LILRB1: variants seen among roughly 807,000 people sequenced by gnomAD.
The protein encoded by LILRB1 is leukocyte immunoglobulin like receptor B1.
A neutral mutation model predicts 74.6 loss-of-function variants in LILRB1; 59 were observed. That is an observed-to-expected ratio of 0.79 (90% CI 0.64 to 0.98). LILRB1 has a LOEUF of 0.98. Among genes scored for constraint, LILRB1 ranks in the 50% least tolerant of loss-of-function variants. LILRB1 has a pLI of 0.00. For synonymous variants in LILRB1, 328 were observed against 333.9 expected, an observed-to-expected ratio of 0.98 and a Z score of 0.19; for missense variants, 804 against 822.6, an observed-to-expected ratio of 0.98 and a Z score of 0.28.
rs1006417649 is a variant in LILRB1 at position 54,634,884 on chromosome 19, G to A, written c.1486+121G>A. ...GAAACTGTTCCAGCATTTCTCACCAGGCCAATCGACAGTCAGTCCCATCTA... is the reference window on the plus strand; with the variant it reads ...GAAACTGTTCCAGCATTTCTCACCAAGCCAATCGACAGTCAGTCCCATCTA... On this transcript the variant is annotated intron_variant, in intron 10 of 14. Transcript: ENST00000324602. 4.6e-6 allele frequency: 7 copies of A among 1,526,230 alleles called. No homozygotes were observed. The African/African-American group carries it at 9.7e-5, about 21-fold the overall frequency. The allele number at this position is 1,526,230 out of a possible 1,614,324, so 94.5% of individuals were successfully genotyped here.
intron 1 of LILRB1, among the ~76,000 whole-genome samples, chr19:54,622,581 C>T (rs1355710140): frequency 2.0e-5 from 3 of 152,182 alleles, no homozygotes; most frequent in Admixed American, 2.0e-4. Context: ...GAAGAATCTT[C>T]AGGGTTTTCT....
Position 54,636,772 on chromosome 19 carries a change from A to G in LILRB1, c.1853A>G (p.Gln618Arg), listed in dbSNP as rs746914203. The change falls in exon 15 of 15, where the codon CAG becomes CGG. Residue 618 changes from glutamine (Q) to arginine (R), a missense_variant. Transcript: ENST00000324602. ...GCCCCCCAGGATGTGACCTACGCCCAGCTGCACAGCTTGACCCTCAGACGG... is the reference window on the plus strand; with the variant it reads ...GCCCCCCAGGATGTGACCTACGCCCGGCTGCACAGCTTGACCCTCAGACGG... Reference protein sequence around the residue: ...SEAPQDVTYAQLHSLTLRREA... With the variant: ...SEAPQDVTYARLHSLTLRREA... The G allele has an allele frequency of 1.1e-5, 18 of 1,571,222 alleles. No homozygotes were observed. The highest frequency in any genetic ancestry group is 1.7e-4 in the Middle Eastern group (1 of 5,856).
rs56800320 is a variant in LILRB1 at position 54,634,777 on chromosome 19, G to C, written c.1486+14G>C. 8.3e-4 allele frequency: 1,340 copies of C among 1,613,030 alleles called. 19 individuals carry two copies. The East Asian group carries it at 0.026, about 32-fold the overall frequency. ...ACTGGACATCGAGTGAGTAGGGAAT[G>C]GGGGGACCCTGAGGGCTGACCGAGG... On this transcript the variant is annotated intron_variant, in intron 10 of 14. Coordinates refer to ENST00000324602, the MANE Select transcript of LILRB1 (RefSeq NM_001081637.3).
intron 1 of LILRB1, chr19:54,617,383 A>G (rs2063333951): frequency 6.6e-6 from 1 of 152,148 alleles, no homozygotes; most frequent in African/African-American, 2.4e-5. Context: ...TGCACGCTAT[A>G]GAGTTCCTAA....
In LILRB1 at chr19:54,635,132, T is replaced by G; in HGVS notation, c.1515T>G (p.Pro505=). The change falls in exon 11 of 15, where the codon CCT becomes CCG. Residue 505 remains proline (P), a synonymous_variant. Coordinates refer to ENST00000324602, the MANE Select transcript of LILRB1 (RefSeq NM_001081637.3). The part of the protein sequence containing the change: ...STQRKADFQH[P]AGAVGPEPTD... ...AGAGAAAGGCTGATTTCCAACATCC[T>G]GCAGGGGCTGTGGGGCCAGAGCCCA... 1 of 1,591,008 alleles carries G rather than the reference T, an allele frequency of 6.3e-7. No homozygotes were observed.
At chr19:54,629,934 G>A (rs1380201253), upstream of LILRB1, among the ~76,000 whole-genome samples, 6 of 150,756 alleles carry the variant, frequency 4.0e-5, no homozygotes, top group Admixed American at 2.6e-4. Flanking sequence ...ATCCATTAGG[G>A]TCAGATGTGA....
upstream of LILRB1, among the ~76,000 whole-genome samples, chr19:54,627,960 A>G (rs1328886899): frequency 6.6e-6 from 1 of 152,244 alleles, no homozygotes; most frequent in Non-Finnish European, 1.5e-5. Flanking sequence ...TTCTGCAGCA[A>G]GGGTACACTC....
chr19:54,636,886 G>A lies in LILRB1; in HGVS notation c.*8G>A, dbSNP rs748534366. On this transcript the variant is annotated 3_prime_UTR_variant, in exon 15 of 15. Transcript: ENST00000324602. ...ACTCTGGCCATCCACTAGCCCAGGG[G>A]GGGACGCAGACCCCACACTCCATGG... 11 of 1,613,588 alleles carry A rather than the reference G, an allele frequency of 6.8e-6. No individual in the cohort carries two copies. The highest frequency in any genetic ancestry group is 6.8e-6 in the Non-Finnish European group (8 of 1,179,638).
At chr19:54,633,754 A>T in intron 8 of LILRB1, 66 bp downstream of exon 8, 16 of 1,539,916 alleles carry the variant, frequency 1.0e-5, no homozygotes, top group Non-Finnish European at 1.4e-5. Flanking sequence ...TGGGTCTCCC[A>T]GAGAATCCCA....
In LILRB1 at chr19:54,634,346, C is replaced by A. The variant is rs56375500; in HGVS notation, c.1364-295C>A. 2,879 of 1,538,696 alleles carry A rather than the reference C, an allele frequency of 1.9e-3. 60 individuals carry two copies. In the African/African-American group the frequency reaches 0.035, roughly 19 times the overall value. ...GAGAAGAGTCATGGTTCAGGACGGT[C>A]AGGCTCTTTCCCTGCAGCTCCGGGG... is the stretch of plus-strand genomic sequence containing the variant. On this transcript the variant is annotated intron_variant, in intron 9 of 14. Coordinates refer to ENST00000324602, the MANE Select transcript of LILRB1 (RefSeq NM_001081637.3).
chr19:54,616,764 T>C (rs2063321095), upstream of LILRB1, among the ~76,000 whole-genome samples: 1 of 152,102 alleles, frequency 6.6e-6, no homozygotes, highest in Non-Finnish European at 1.5e-5. Context: ...AACTGAACTG[T>C]TGTTTTCATA....
In LILRB1 at chr19:54,636,485, T is replaced by A; in HGVS notation, c.1654-9T>A. On this transcript the variant is annotated splice_polypyrimidine_tract_variant and intron_variant, in intron 13 of 14. Transcript: ENST00000324602. ...TTCAAGGACACCCCCCACCACTGTC[T>A]CTCTCCAGCAGAGCCCACACGATGA... 2 of 1,610,672 alleles carry A rather than the reference T, an allele frequency of 1.2e-6. No homozygotes were observed. Among genetic ancestry groups the A allele is most frequent in the East Asian group, 2.2e-5 (1 of 44,838 alleles).
rs1008865310 is a variant in LILRB1 at position 54,633,918 on chromosome 19, G to A, written c.1313-53G>A. ...CCCAGCCTGGGGGAGGAGCAGCCGG[G>A]CTGATGTGGGGAGCAGGGCAGCCCC... On this transcript the variant is annotated intron_variant, in intron 8 of 14. Coordinates refer to ENST00000324602, the MANE Select transcript of LILRB1 (RefSeq NM_001081637.3). The A allele has an allele frequency of 1.9e-6, 3 of 1,555,014 alleles. No individual in the cohort carries two copies. The African/African-American group carries it at 4.1e-5, about 21-fold the overall frequency.
intron 1 of LILRB1, among the ~76,000 whole-genome samples, chr19:54,620,186 C>T (rs1178097246): frequency 2.6e-5 from 4 of 151,882 alleles, no homozygotes; most frequent in African/African-American, 7.3e-5. Context: ...ACTCTGAGAC[C>T]TGTGATTACC....
intron 13 of LILRB1, 98 bp downstream of exon 13, chr19:54,635,707 G>A (rs776648007): frequency 3.1e-5 from 43 of 1,375,256 alleles, no homozygotes; most frequent in Admixed American, 5.0e-5. Context: ...TCTCAGCATC[G>A]TCACGGTGGA....
At position 54,631,509 on chromosome 19, in the gene LILRB1, C is replaced by T. The variant is rs1408054632; in HGVS notation, c.80C>T (p.Pro27Leu). Residue 27 changes from proline (P) to leucine (L), a missense_variant, in exon 4 of 15, where the codon CCC becomes CTC. Transcript: ENST00000324602. Reference sequence around the variant, plus strand: ...CCTGATTTCCTTCCAGGGCACCTCCCCAAGCCCACCCTCTGGGCTGAACCA... The same window carrying T: ...CCTGATTTCCTTCCAGGGCACCTCCTCAAGCCCACCCTCTGGGCTGAACCA... ...PRTHVQAGHL[P>L]KPTLWAEPGS... The T allele has an allele frequency of 6.2e-6, 10 of 1,611,316 alleles. No homozygotes were observed. Among genetic ancestry groups the T allele is most frequent in the Non-Finnish European group, 8.5e-6 (10 of 1,178,360 alleles).
At chr19:54,630,382 A>G (rs2063738015), upstream of LILRB1, 3 of 204,088 alleles carry the variant, frequency 1.5e-5, no homozygotes, top group Admixed American at 6.1e-5. Flanking sequence ...ACACTGTAGC[A>G]AAATATTTTA....
chr19:54,623,353 G>C (rs764675523), intron 1 of LILRB1, among the ~76,000 whole-genome samples: 2 of 152,126 alleles, frequency 1.3e-5, no homozygotes, highest in Non-Finnish European at 2.9e-5. Context: ...TTATTGGTCT[G>C]TTTAGGGTTT....
chr19:54,617,291 A>G (rs1358129659), exon 1 of LILRB1: 1 of 152,168 alleles, frequency 6.6e-6, no homozygotes, highest in Non-Finnish European at 1.5e-5. Context: ...TGGCGCCTCT[A>G]CTTTCTGGAG....
Sources: allele counts gnomAD v4.1 joint callset (sites outside exome capture counted in the v4.1 genomes callset), GRCh38; gene constraint gnomAD v4.1.1; transcripts MANE v1.5; gene names NCBI Gene and HGNC (gene_info 2026-07-23, HGNC 2026-07-21).